Variants in CFAP65 observed in about 807,000 individuals in gnomAD.
CFAP65 encodes the protein cilia- and flagella-associated protein 65.
A neutral mutation model predicts 208.0 loss-of-function variants in CFAP65; 155 were observed. The observed-to-expected ratio is 0.75, with a 90% CI of 0.65 to 0.85. CFAP65 has a LOEUF of 0.85. Among genes scored for constraint, CFAP65 ranks in the 40% least tolerant of loss-of-function variants. The pLI, the probability that CFAP65 is intolerant of heterozygous loss-of-function variation, is 0.00. For synonymous variants in CFAP65, 970 were observed against 986.3 expected, an observed-to-expected ratio of 0.98 and a Z score of 0.31; for missense variants, 2,294 against 2,451.3, an observed-to-expected ratio of 0.94 and a Z score of 1.36.
rs916572849 is a variant in CFAP65, at chr2:219,031,490, C to G, written c.814G>C (p.Gly272Arg). 2 of 1,614,214 alleles carry G rather than the reference C, an allele frequency of 1.2e-6. No individual in the cohort carries two copies. Among genetic ancestry groups the G allele is most frequent in the Non-Finnish European group, 1.7e-6 (2 of 1,180,040 alleles). Residue 272 changes from glycine to arginine, a missense_variant and splice_region_variant, in exon 7 of 35, where the codon GGG (glycine) becomes CGG (arginine). Around this residue, in one of 2 missense-constraint regions of CFAP65, gnomAD observed 867 missense variants for 1,012.6 expected, o/e 0.86. Transcript: ENST00000341552. This position sits in a 1 kb window ranked among gnomAD's most constrained non-coding sequence, Gnocchi z 5.2. Reference sequence around the variant, plus strand: ...GCCGCACCTCAGCCTCTTCCTCACCCCACATTATCCAGGCAGAAAAAGGCC... The same window carrying G: ...GCCGCACCTCAGCCTCTTCCTCACCGCACATTATCCAGGCAGAAAAAGGCC... ...TEAFFCLDNV[G>R]DLPTFFTWEF...
rs139829270 is a variant in CFAP65, at chr2:219,004,065, G to A, written c.5442C>T (p.Ile1814=). The change falls in exon 33 of 35, where the codon ATC becomes ATT. Residue 1814 remains isoleucine (I), a synonymous_variant. Transcript: ENST00000341552. The surrounding 1 kb of genome is among the most constrained non-coding windows in gnomAD (Gnocchi z 4.7). ...EKEEKVSWAG[I]GPTPQPESQE... ...GGGACTCAGGCTGTGGTGTGGGCCCGATGCCCGCCCAGCTCACTTTCTCTT... is the reference window on the plus strand; with the variant it reads ...GGGACTCAGGCTGTGGTGTGGGCCCAATGCCCGCCCAGCTCACTTTCTCTT... 1,137 of 1,613,976 alleles carry A rather than the reference G, an allele frequency of 7.0e-4. 7 individuals carry two copies. The African/African-American group carries it at 0.014, about 19-fold the overall frequency.
At chr2:219,014,100 A>T (rs964836033) in intron 21 of CFAP65, 56 bp from the exon 22 acceptor site, 25 of 1,473,482 alleles carry the variant, frequency 1.7e-5, no homozygotes, top group African/African-American at 2.8e-5. Context: ...ACAGAGAGGC[A>T]GGGGCTCTGA....
intron 27 of CFAP65, 131 bp downstream of exon 27, chr2:219,009,811 T>TG (rs1369119891): frequency 8.9e-4 from 172 of 193,854 alleles, no homozygotes; most frequent in East Asian, 3.9e-3. Flanking sequence ...TGGGATGGAG[T>TG]GGGGGGGGAT....
chr2:219,022,232 G>A lies in CFAP65; in HGVS notation c.2918C>T (p.Pro973Leu), dbSNP rs779596802. The stretch of plus-strand genomic sequence containing the variant: ...GAGCATGTAGTGGGTGGTGGCAGCG[G>A]GGTTGGCATTTGGGGACAGGCCGGC... Reference protein sequence around the residue: ...WEAGLSPNANPAATTHYMLRL... With the variant: ...WEAGLSPNANLAATTHYMLRL... The change falls in exon 17 of 35, where the codon CCC (proline) becomes CTC (leucine). Residue 973 changes from proline (P) to leucine (L), a missense_variant. Pro to Leu is a moderately conservative substitution (Grantham distance 98). Transcript: ENST00000341552. 1 of 1,606,652 alleles carries A rather than the reference G, an allele frequency of 6.2e-7. No homozygotes were observed. The highest frequency in any genetic ancestry group is 1.1e-5 in the South Asian group (1 of 89,504).
chr2:219,020,002 A>C (rs573866637), intron 19 of CFAP65, among the ~76,000 whole-genome samples: 73 of 151,684 alleles, frequency 4.8e-4, no homozygotes, highest in Non-Finnish European at 4.4e-4. Context: ...TTATTGAGAC[A>C]CCATTATATA....
intron 5 of CFAP65, chr2:219,033,619 A>G (rs562771987): frequency 9.2e-5 from 14 of 152,246 alleles, no homozygotes; most frequent in Non-Finnish European, 1.9e-4. Flanking sequence ...CAGGAATAGA[A>G]GAATATTCCC....
Position 219,004,218 on chromosome 2 carries a change from C to T in CFAP65, c.5289G>A (p.Gly1763=), listed in dbSNP as rs370515327. The T allele has an allele frequency of 8.7e-6, 14 of 1,613,912 alleles. No individual in the cohort carries two copies. In the African/African-American group the frequency reaches 1.3e-4, roughly 15 times the overall value. The change falls in exon 33 of 35, where the codon GGG becomes GGA. Residue 1763 remains glycine, a synonymous_variant. Transcript: ENST00000341552. The surrounding 1 kb of genome is among the most constrained non-coding windows in gnomAD (Gnocchi z 4.7). Reference sequence around the variant, plus strand: ...CTTCCTCTTCACCCTTCTCCTCCTCCCCCTCTTCCTTCTTTCCCAACCCTG... The same window carrying T: ...CTTCCTCTTCACCCTTCTCCTCCTCTCCCTCTTCCTTCTTTCCCAACCCTG... The part of the protein sequence containing the change: ...HYPGLGKKEE[G]EEEKGEEEEE...
Position 219,032,650 on chromosome 2 carries a change from C to G in CFAP65, c.543-78G>C. On this transcript the variant is annotated intron_variant, in intron 5 of 34. Transcript: ENST00000341552. The surrounding 1 kb of genome is among the most constrained non-coding windows in gnomAD (Gnocchi z 5.5). ...GAAGAGGCAGGAAACGAGGGAAGCC[C>G]TGCAGCCAAGGGAGCTTGAGTCCCT... The G allele has an allele frequency of 7.5e-7, 1 of 1,329,860 alleles. No individual in the cohort carries two copies. The highest frequency in any genetic ancestry group is 1.0e-6 in the Non-Finnish European group (1 of 955,558). The allele number at this position is 1,329,860 out of a possible 1,614,324, so 82.4% of individuals were successfully genotyped here.
At chr2:219,024,374 TGCCCTGCAGCCCAGTCAAC>T in intron 14 of CFAP65, 114 bp from the exon 15 acceptor site, 2 of 1,322,586 alleles carry the variant, frequency 1.5e-6, no homozygotes, top group Non-Finnish European at 2.1e-6. Context: ...TCAGAGGTGC[TGCCCTGCAGCCCAGTCAAC>T]GCCCTGGGAA....
rs1403075084 is a variant in CFAP65 at position 219,026,001 on chromosome 2, TG to T, written c.2349+20del. The T allele has an allele frequency of 6.2e-7, 1 of 1,611,738 alleles. No individual in the cohort carries two copies. The highest frequency in any genetic ancestry group is 1.1e-5 in the South Asian group (1 of 90,990). On this transcript the variant is annotated intron_variant, in intron 14 of 34. Transcript: ENST00000341552. ...TAGGGCTCCCCTGTCTCCCTCCCAC[TG>T]CTGTTGGGGCCACGCTTACCTTGGG...
In CFAP65 at chr2:219,005,477, G is replaced by T; in HGVS notation, c.5008C>A (p.Gln1670Lys). The T allele has an allele frequency of 6.2e-7, 1 of 1,613,780 alleles. No homozygotes were observed. Among genetic ancestry groups the T allele is most frequent in the Non-Finnish European group, 8.5e-7 (1 of 1,179,994 alleles). Residue 1670 changes from glutamine (Q) to lysine (K), a missense_variant, in exon 32 of 35, where the codon CAG (glutamine) becomes AAG (lysine). Around this residue, in one of 2 missense-constraint regions of CFAP65, gnomAD observed 1,427 missense variants for 1,438.7 expected, o/e 0.99. Transcript: ENST00000341552. ...ATGTCAACCAGGAGCTGCTTCTTCT[G>T]CTTGGAAACAGGGCCCCACTTGTTA... is the stretch of plus-strand genomic sequence containing the variant. ...SPNKWGPVSK[Q>K]KKQLLVDILT...
chr2:219,029,668 C>T lies in CFAP65; in HGVS notation c.1385G>A (p.Gly462Asp). ...GTAGTGCTGCAGGGACACAGCAGGG[C>T]CTGGACACAGGAGATGGGGTATCAG... ...TLLKVVGFCR[G>D]PAVSLQHYCV... Residue 462 changes from glycine (G) to aspartate (D), a missense_variant and splice_region_variant, in exon 11 of 35, where the codon GGC becomes GAC. Physicochemically the swap from Gly to Asp is moderately conservative, Grantham distance 94. Coordinates refer to ENST00000341552, the MANE Select transcript of CFAP65 (RefSeq NM_194302.4). 1 of 1,612,812 alleles carries T rather than the reference C, an allele frequency of 6.2e-7. No individual in the cohort carries two copies.
chr2:219,013,631 T>C (rs769043202), intron 22 of CFAP65, 46 bp from the exon 23 acceptor site: 1 of 1,525,394 alleles, frequency 6.6e-7, no homozygotes, highest in Non-Finnish European at 9.0e-7. Context: ...GGAGCCCTGG[T>C]ACAAGTAGGA....
intron 4 of CFAP65, among the ~76,000 whole-genome samples, chr2:219,036,339 G>C (rs142838475): frequency 4.5e-4 from 68 of 152,214 alleles, no homozygotes; most frequent in Admixed American, 1.1e-3. Context: ...GAAGAAGGAG[G>C]GGGCATGGAA....
At chr2:219,026,298 T>G (rs1187832902) in intron 13 of CFAP65, 139 bp from the exon 14 acceptor site, 6 of 897,018 alleles carry the variant, frequency 6.7e-6, no homozygotes, top group Non-Finnish European at 3.4e-6. Flanking sequence ...GGGAAGACAG[T>G]GCAGAGAACA....
rs1947132856 is a variant in CFAP65, at chr2:219,019,502, T to G, written c.3473+4A>C. On this transcript the variant is annotated splice_donor_region_variant and intron_variant, in intron 20 of 34. Coordinates refer to ENST00000341552, the MANE Select transcript of CFAP65 (RefSeq NM_194302.4). The stretch of plus-strand genomic sequence containing the variant: ...CCCCCACCCCCACTCCAGGCTCAGC[T>G]CACCTGTGCCGGGTGGGCACCTTGT... 6.2e-7 allele frequency: 1 copy of G among 1,610,258 alleles called. No homozygotes were observed. The highest frequency in any genetic ancestry group is 1.1e-5 in the South Asian group (1 of 90,824).
chr2:219,006,555 C>T (rs201905252), intron 29 of CFAP65, 46 bp from the exon 30 acceptor site: 26 of 1,596,418 alleles, frequency 1.6e-5, no homozygotes, highest in Admixed American at 1.2e-4. Context: ...GAGGCCCGGC[C>T]GGGGGTGGTG....
intron 21 of CFAP65, chr2:219,014,596 TA>T: frequency 6.6e-6 from 1 of 152,508 alleles, no homozygotes; most frequent in Non-Finnish European, 1.5e-5. Flanking sequence ...CCGACAAAAC[TA>T]GTGACAAAGG....
chr2:219,024,104 T>C lies in CFAP65; in HGVS notation c.2506A>G (p.Ile836Val). ...TCAGGGTAGGTGCAGATGAGGATGA[T>C]CTGGTGGGCCCCGGGTGCCACAAGG... The part of the protein sequence containing the change: ...SGLVAPGAHQ[I>V]ILICTYPEGS... The change falls in exon 15 of 35, where the codon ATC (isoleucine) becomes GTC (valine). Residue 836 changes from isoleucine (I) to valine (V), a missense_variant. Ile to Val is a conservative substitution (Grantham distance 29). Around this residue, in one of 2 missense-constraint regions of CFAP65, gnomAD observed 1,427 missense variants for 1,438.7 expected, o/e 0.99. Coordinates refer to ENST00000341552, the MANE Select transcript of CFAP65 (RefSeq NM_194302.4). 1 of 1,614,020 alleles carries C rather than the reference T, an allele frequency of 6.2e-7. No homozygotes were observed. The highest frequency in any genetic ancestry group is 8.5e-7 in the Non-Finnish European group (1 of 1,180,016).
Sources: allele counts gnomAD v4.1 joint callset (sites outside exome capture counted in the v4.1 genomes callset), GRCh38; gene constraint gnomAD v4.1.1; regional missense constraint gnomAD v4.1.1; non-coding constraint Gnocchi (gnomAD v3.1); transcripts MANE v1.5; gene names NCBI Gene and HGNC (gene_info 2026-07-23, HGNC 2026-07-21).